The following DPP6 variants were observed in gnomAD, a reference collection of about 807,000 sequenced individuals.
The protein encoded by DPP6 is A-type potassium channel modulatory protein DPP6.
DPP6 carries 69 observed loss-of-function variants against 122.6 expected under a neutral mutation model. That is an observed-to-expected ratio of 0.56 (90% confidence interval 0.46 to 0.69). The LOEUF (loss-of-function observed/expected upper bound fraction) is 0.69. Ranked by LOEUF, DPP6 falls within the 30% of genes least tolerant of loss-of-function variation. The probability of loss-of-function intolerance (pLI) is 0.00; values close to 1 mark genes in which losing one functional copy is unlikely to be tolerated. For synonymous variants in DPP6, 418 were observed against 433.1 expected, an observed-to-expected ratio of 0.97 and a Z score of 0.43; for missense variants, 928 against 1,116.9, an observed-to-expected ratio of 0.83 and a Z score of 2.41.
chr7:154,276,676 T>C (rs183491205), intron 1 of DPP6, among the ~76,000 whole-genome samples: 170 of 152,292 alleles, frequency 1.1e-3, no homozygotes, highest in Non-Finnish European at 2.0e-3. Flanking sequence ...TTCACAGTAG[T>C]CATGCTCTAT....
At chr7:153,754,826 G>A in the DPP6 span, among the ~76,000 whole-genome samples, 2 of 151,338 alleles carry the variant, frequency 1.3e-5, no homozygotes, top group South Asian at 2.1e-4. Context: ...GCTTAGCTCC[G>A]GATATTGCAT....
At chr7:154,679,146 C>T (rs1432014664) in intron 7 of DPP6, among the ~76,000 whole-genome samples, 1 of 152,144 alleles carries the variant, frequency 6.6e-6, no homozygotes, top group Non-Finnish European at 1.5e-5. Context: ...CGGGCCAGCC[C>T]CCTTGTCCAT....
intron 17 of DPP6, 54 bp from the exon 18 acceptor site, chr7:154,867,941 G>A: frequency 6.5e-7 from 1 of 1,528,428 alleles, no homozygotes; most frequent in African/African-American, 1.4e-5. Flanking sequence ...GCCCGCAGAG[G>A]TCCTCCATGA....
chr7:154,234,629 C>T (rs1402111804), intron 1 of DPP6, among the ~76,000 whole-genome samples: 1 of 152,128 alleles, frequency 6.6e-6, no homozygotes, highest in Non-Finnish European at 1.5e-5. Context: ...CACACACAGA[C>T]ACACACATAC....
intron 1 of DPP6, among the ~76,000 whole-genome samples, chr7:153,941,966 G>A (rs1801716874): frequency 1.3e-5 from 2 of 152,132 alleles, no homozygotes; most frequent in Admixed American, 6.6e-5. Context: ...GGAAAAAAAA[G>A]GAATGGGTAG....
the DPP6 span, among the ~76,000 whole-genome samples, chr7:153,790,468 C>T: frequency 6.9e-4 from 105 of 152,198 alleles, no homozygotes; most frequent in African/African-American, 2.5e-3. Flanking sequence ...ATAAGATCCC[C>T]GAGTTTCCTG....
rs1129300 is a variant in DPP6 at position 154,889,340 on chromosome 7, C to T, written c.2373C>T (p.Ala791=). ...AGTTCCTGATCATTCATCCCACTGC[C>T]GATGGTAAGGACTGAAAACATGAAT... ...EQQFLIIHPT[A]DEKIHFQHTA... The change falls in exon 24 of 26, where the codon GCC becomes GCT. Residue 791 remains alanine (A), a synonymous_variant. Coordinates refer to ENST00000377770, the MANE Select transcript of DPP6 (RefSeq NM_130797.4). The T allele has an allele frequency of 0.12, 187,508 of 1,611,734 alleles. 13,785 individuals carry two copies. The highest frequency in any genetic ancestry group is 0.4 in the East Asian group (17,906 of 44,790).
At chr7:154,813,317 T>G (rs1193246338) in intron 16 of DPP6, among the ~76,000 whole-genome samples, 1 of 152,052 alleles carries the variant, frequency 6.6e-6, no homozygotes, top group Non-Finnish European at 1.5e-5. Context: ...TCTCCTGACC[T>G]TGTGATCTGC....
chr7:154,219,562 T>C (rs1423757256), intron 1 of DPP6, among the ~76,000 whole-genome samples: 1 of 152,150 alleles, frequency 6.6e-6, no homozygotes, highest in African/African-American at 2.4e-5. Context: ...CCTTCTGAAC[T>C]GTATTATTTG....
At chr7:154,449,510 G>A (rs979439772) in intron 2 of DPP6, among the ~76,000 whole-genome samples, 1 of 152,096 alleles carries the variant, frequency 6.6e-6, no homozygotes, top group Non-Finnish European at 1.5e-5. Flanking sequence ...TGTGGCCTCT[G>A]TGGAAAATAG....
chr7:154,063,581 T>C (rs1221770566), intron 1 of DPP6, among the ~76,000 whole-genome samples: 1 of 115,466 alleles, frequency 8.7e-6, no homozygotes, highest in African/African-American at 3.2e-5. Flanking sequence ...CGCCTCTGGC[T>C]GATAGTACCC....
intron 1 of DPP6, among the ~76,000 whole-genome samples, chr7:154,363,111 G>A (rs1017100180): frequency 6.6e-5 from 10 of 152,196 alleles, no homozygotes; most frequent in Admixed American, 5.2e-4. Context: ...GGTTTCCAAA[G>A]CTCTCCCAGT....
chr7:154,759,392 G>A (rs1795378449), intron 8 of DPP6, among the ~76,000 whole-genome samples: 2 of 152,216 alleles, frequency 1.3e-5, no homozygotes, highest in African/African-American at 4.8e-5. Flanking sequence ...CAACTCAAGA[G>A]CACGGGGACG....
chr7:154,137,997 G>A (rs1297531533), intron 1 of DPP6, among the ~76,000 whole-genome samples: 1 of 152,052 alleles, frequency 6.6e-6, no homozygotes, highest in Non-Finnish European at 1.5e-5. Context: ...GTCAGGGTTG[G>A]GTCTATCCAA....
chr7:154,443,366 A>G, intron 1 of DPP6, among the ~76,000 whole-genome samples: 1 of 151,442 alleles, frequency 6.6e-6, no homozygotes, highest in South Asian at 2.1e-4. Flanking sequence ...GAAAAAAAAA[A>G]TGAAAGCCAT....
At chr7:154,317,115 C>T (rs75242846) in intron 1 of DPP6, among the ~76,000 whole-genome samples, 3,875 of 152,276 alleles carry the variant, frequency 0.025, 147 homozygotes, top group African/African-American at 0.089. Flanking sequence ...GCAGACTTTG[C>T]TAAATAGACA....
At chr7:154,698,354 C>T (rs966721292) in intron 7 of DPP6, among the ~76,000 whole-genome samples, 21 of 152,210 alleles carry the variant, frequency 1.4e-4, no homozygotes, top group African/African-American at 4.8e-4. Flanking sequence ...CTAAGATGTT[C>T]CTTGAGTGGA....
chr7:154,648,079 C>A (rs1025477431), intron 6 of DPP6, among the ~76,000 whole-genome samples: 2 of 134,248 alleles, frequency 1.5e-5, no homozygotes, highest in South Asian at 5.3e-4. Flanking sequence ...GGTGAAACCC[C>A]GTCTCTATTA....
At chr7:154,316,488 G>C (rs1012009715) in intron 1 of DPP6, among the ~76,000 whole-genome samples, 5 of 152,210 alleles carry the variant, frequency 3.3e-5, no homozygotes, top group Non-Finnish European at 7.3e-5. Context: ...CCACTGAAAT[G>C]AGTTGTTGAA....
Sources: allele counts gnomAD v4.1 joint callset (sites outside exome capture counted in the v4.1 genomes callset), GRCh38; gene constraint gnomAD v4.1.1; transcripts MANE v1.5; gene names NCBI Gene and HGNC (gene_info 2026-07-23, HGNC 2026-07-21).